The following THEMIS variants were observed in gnomAD, a reference collection of about 807,000 sequenced individuals.
THEMIS encodes protein THEMIS.
Under a neutral mutation model 52.6 loss-of-function variants are expected in THEMIS, and 37 were observed. That is an observed-to-expected ratio of 0.70 (90% CI 0.54 to 0.93). The LOEUF (loss-of-function observed/expected upper bound fraction) is 0.93, where lower values mean the gene tolerates loss of function less well. Ranked by LOEUF, THEMIS falls within the 40% of genes least tolerant of loss-of-function variation. THEMIS has a pLI of 0.00. For synonymous variants in THEMIS, 292 were observed against 272.7 expected (o/e 1.07, Z -0.70); for missense variants, 808 against 763.1 (o/e 1.06, Z -0.69).
chr6:127,756,405 G>A (rs1583238032), intron 4 of THEMIS, among the ~76,000 whole-genome samples: 4 of 152,204 alleles, frequency 2.6e-5, no homozygotes, highest in Admixed American at 2.6e-4. Context: ...TTTTATTCAA[G>A]GTGGCTGTAT....
chr6:127,703,043 T>G, the THEMIS span, among the ~76,000 whole-genome samples: 112 of 108,020 alleles, frequency 1.0e-3, 6 homozygotes, highest in Non-Finnish European at 1.7e-3. Flanking sequence ...GAGTTTTTTT[T>G]TTTTTTTTTT....
intron 4 of THEMIS, among the ~76,000 whole-genome samples, chr6:127,791,618 T>C (rs1250728876): frequency 6.6e-6 from 1 of 152,148 alleles, no homozygotes; most frequent in African/African-American, 2.4e-5. Context: ...ATCTGCTCCT[T>C]TCTGCCCAGG....
intron 2 of THEMIS, 143 bp downstream of exon 2, chr6:127,854,887 T>C (rs1019428955): frequency 1.9e-5 from 12 of 625,546 alleles, no homozygotes; most frequent in Non-Finnish European, 2.9e-5. Flanking sequence ...CTTAAAATGA[T>C]CAAACTATAA....
chr6:127,916,828 T>A (rs993860152), intron 1 of THEMIS, among the ~76,000 whole-genome samples: 1 of 152,196 alleles, frequency 6.6e-6, no homozygotes, highest in Admixed American at 6.5e-5. Flanking sequence ...GGGAATTATT[T>A]CCGATTGCTT....
At chr6:127,712,148 C>A (rs1774004568) in intron 5 of THEMIS, among the ~76,000 whole-genome samples, 2 of 151,950 alleles carry the variant, frequency 1.3e-5, no homozygotes, top group South Asian at 4.1e-4. Context: ...TCCAACTCTC[C>A]CTTGTCAATA....
At chr6:127,854,789 T>C (rs938243524) in intron 2 of THEMIS, among the ~76,000 whole-genome samples, 1 of 151,858 alleles carries the variant, frequency 6.6e-6, no homozygotes, top group African/African-American at 2.4e-5. Context: ...ACTCACTAAA[T>C]GTTTGTTAAC....
At chr6:127,706,642 T>C (rs761435062), downstream of THEMIS, among the ~76,000 whole-genome samples, 1 of 152,072 alleles carries the variant, frequency 6.6e-6, no homozygotes, top group Non-Finnish European at 1.5e-5. Context: ...ATATAGCTTG[T>C]TAGATAGAAT....
At chr6:127,791,523 G>T (rs1269717567) in intron 4 of THEMIS, among the ~76,000 whole-genome samples, 1 of 152,182 alleles carries the variant, frequency 6.6e-6, no homozygotes, top group Non-Finnish European at 1.5e-5. Flanking sequence ...AGGCCCCAGA[G>T]CAAGCTCCAT....
chr6:127,824,061 G>A (rs2114643075), intron 3 of THEMIS, among the ~76,000 whole-genome samples: 1 of 152,194 alleles, frequency 6.6e-6, no homozygotes, highest in African/African-American at 2.4e-5. Context: ...TGGAAAGCAA[G>A]GTGAAGCCAG....
chr6:127,764,363 G>T (rs1776122722), intron 4 of THEMIS, among the ~76,000 whole-genome samples: 1 of 151,216 alleles, frequency 6.6e-6, no homozygotes, highest in Non-Finnish European at 1.5e-5. Context: ...TTTAATTTTG[G>T]TATAGAATTA....
upstream of THEMIS, among the ~76,000 whole-genome samples, chr6:127,903,026 C>T (rs1228968147): frequency 6.6e-6 from 1 of 152,052 alleles, no homozygotes; most frequent in African/African-American, 2.4e-5. Flanking sequence ...AGATGACGCT[C>T]TCTCTGTGAT....
chr6:127,775,965 G>T (rs1057147824), intron 4 of THEMIS, among the ~76,000 whole-genome samples: 2 of 152,020 alleles, frequency 1.3e-5, no homozygotes, highest in African/African-American at 4.8e-5. Context: ...ATTTTCAATA[G>T]AATGTTGTGT....
At chr6:127,706,411 A>G (rs1305989048), downstream of THEMIS, among the ~76,000 whole-genome samples, 1 of 152,106 alleles carries the variant, frequency 6.6e-6, no homozygotes, top group Admixed American at 6.6e-5. Context: ...AAGGCAACCC[A>G]GTAAACAGGG....
intron 4 of THEMIS, among the ~76,000 whole-genome samples, chr6:127,809,778 A>G (rs959317616): frequency 6.6e-6 from 1 of 151,386 alleles, no homozygotes; most frequent in African/African-American, 2.4e-5. Flanking sequence ...AGATGTCATA[A>G]TGGAATATAA....
intron 1 of THEMIS, among the ~76,000 whole-genome samples, chr6:127,893,432 TA>T (rs1003009811): frequency 2.0e-5 from 3 of 152,160 alleles, no homozygotes; most frequent in African/African-American, 7.2e-5. Context: ...AAGGTTGTGA[TA>T]AAACCTATTT....
At position 127,736,447 on chromosome 6, in the gene THEMIS, G is replaced by T. The variant is rs534857596; in HGVS notation, c.1759-16624C>A. On this transcript the variant is annotated intron_variant, in intron 4 of 5. Transcript: ENST00000368248. ...GTAGGGAATAAAATTGATAATAGGG[G>T]AAATTTAAGAGCTGAGTATTTATTG... Among the ~76,000 whole-genome samples the T allele has an allele frequency of 1.3e-4, 20 of 152,188 alleles. No individual in the cohort carries two copies. In the South Asian group the frequency reaches 3.9e-3, roughly 30 times the overall value.
At chr6:127,774,817 T>TAA (rs1415134802) in intron 4 of THEMIS, among the ~76,000 whole-genome samples, 2 of 152,220 alleles carry the variant, frequency 1.3e-5, no homozygotes, top group Admixed American at 1.3e-4. Flanking sequence ...GTCAAGCTGC[T>TAA]GTATTTAGCA....
chr6:127,913,507 T>C (rs1368562150), intron 1 of THEMIS, among the ~76,000 whole-genome samples: 1 of 152,222 alleles, frequency 6.6e-6, no homozygotes, highest in Non-Finnish European at 1.5e-5. Context: ...GACATATTTG[T>C]TGTATTTAAT....
chr6:127,831,574 C>T (rs1376472399), intron 2 of THEMIS, among the ~76,000 whole-genome samples: 2 of 152,022 alleles, frequency 1.3e-5, no homozygotes, highest in Non-Finnish European at 2.9e-5. Context: ...ATTATAGTGT[C>T]ATTTTTGTAT....
Sources: allele counts gnomAD v4.1 joint callset (sites outside exome capture counted in the v4.1 genomes callset), GRCh38; gene constraint gnomAD v4.1.1; transcripts MANE v1.5; gene names NCBI Gene and HGNC (gene_info 2026-07-23, HGNC 2026-07-21).